The following REV1 variants were observed in gnomAD, a reference collection of about 807,000 sequenced individuals.
The protein encoded by REV1 is REV1 DNA directed polymerase, also known as translesion synthesis protein REV1.
In REV1, 42 loss-of-function variants were observed where a neutral mutation model predicts 137.4. The ratio of observed to expected loss-of-function variants is 0.31; its 90% CI spans 0.24 to 0.40. REV1 has a LOEUF of 0.40. Ranked by LOEUF, REV1 falls within the 10% of genes least tolerant of loss-of-function variation. REV1 has a pLI of 1.00. For synonymous variants in REV1, 524 were observed against 519.2 expected (o/e 1.01, Z -0.12); for missense variants, 1,282 against 1,490.1 (o/e 0.86, Z 2.30).
intron 9 of REV1, among the ~76,000 whole-genome samples, chr2:99,428,991 C>G (rs1043180308): frequency 1.6e-5 from 1 of 63,830 alleles, no homozygotes; most frequent in African/African-American, 6.0e-5. Context: ...GACTCCGTCT[C>G]AAAAAAAAAA....
At chr2:99,462,471 T>C in intron 3 of REV1, 25 bp downstream of exon 3, 7 of 1,582,158 alleles carry the variant, frequency 4.4e-6, no homozygotes, top group Non-Finnish European at 6.0e-6. Context: ...CATGCCAAAA[T>C]AGGGTTAAGT....
At position 99,418,854 on chromosome 2, in the gene REV1, C is replaced by G; in HGVS notation, c.1925G>C (p.Arg642Thr). 2 of 1,612,912 alleles carry G rather than the reference C, an allele frequency of 1.2e-6. No homozygotes were observed. The highest frequency in any genetic ancestry group is 3.3e-4 in the Middle Eastern group (2 of 6,056). ...LKPEEVDDFI[R>T]GQLVTNLPGV... is the part of the protein sequence containing the mutation. ...TGGTAGATTGGTCACTAGCTGGCCT[C>G]TGATAAAATCATCTACTTCTTCTGG... Residue 642 changes from arginine to threonine, a missense_variant, in exon 12 of 23, where the codon AGA becomes ACA. This residue lies in a region of REV1 where 372 missense variants were observed against 482.3 expected (regional missense o/e 0.77). Transcript: ENST00000258428.
rs1246052508 is a variant in REV1, at chr2:99,489,966, A to G, written c.-160T>C. Reference sequence around the variant, plus strand: ...CCACCGCTGAGCAGCGCCGCGGTCCACGCTCCCCCACGCTCGCGGCAACCA... The same window carrying G: ...CCACCGCTGAGCAGCGCCGCGGTCCGCGCTCCCCCACGCTCGCGGCAACCA... On this transcript the variant is annotated 5_prime_UTR_variant, in exon 1 of 23. Transcript: ENST00000258428. 1.3e-5 allele frequency: 2 copies of G among 149,082 alleles called. No homozygotes were observed. The highest frequency in any genetic ancestry group is 2.5e-5 in the African/African-American group (1 of 40,752). The allele number at this position is 149,082 out of a possible 1,614,324, so 9.2% of individuals were successfully genotyped here.
intron 5 of REV1, 124 bp from the exon 6 acceptor site, chr2:99,439,434 T>A: frequency 5.1e-6 from 3 of 589,448 alleles, no homozygotes; most frequent in Non-Finnish European, 8.6e-6. Flanking sequence ...CAGAAAATTC[T>A]TATATTGAAT....
intron 5 of REV1, 41 bp downstream of exon 5, chr2:99,442,276 A>AAAC: frequency 6.7e-7 from 1 of 1,483,004 alleles, no homozygotes; most frequent in Non-Finnish European, 9.1e-7. Context: ...AAAAAAAAAA[A>AAAC]CCAACCAGCT....
chr2:99,478,941 T>C (rs556082616), intron 1 of REV1, among the ~76,000 whole-genome samples: 3 of 152,310 alleles, frequency 2.0e-5, no homozygotes, highest in East Asian at 1.9e-4. Context: ...AGAAAGGTTA[T>C]ATACAGTAGA....
In REV1 at chr2:99,452,918, G is replaced by A. The variant is rs138310823; in HGVS notation, c.182-3414C>T. ...CAAATCCTGGCTCCATCATTTGCTA[G>A]TTACTTGGATTTCAGGCAAGTTATT... On this transcript the variant is annotated intron_variant, in intron 3 of 22. Coordinates refer to ENST00000258428, the MANE Select transcript of REV1 (RefSeq NM_016316.4). Among the ~76,000 whole-genome samples, 496 of 152,360 alleles carry A rather than the reference G, an allele frequency of 3.3e-3. 7 individuals are homozygous for A. The highest frequency in any genetic ancestry group is 1.1e-3 in the Non-Finnish European group (74 of 68,038).
intron 9 of REV1, chr2:99,424,851 G>A (rs1200766260): frequency 7.7e-7 from 1 of 1,304,118 alleles, no homozygotes. Context: ...ATTGTACATG[G>A]TAGGACATCA....
chr2:99,407,508 C>A (rs186099426), intron 15 of REV1, among the ~76,000 whole-genome samples: 1 of 151,478 alleles, frequency 6.6e-6, no homozygotes, highest in Non-Finnish European at 1.5e-5. Context: ...GCCGATACAA[C>A]GCCATTGCAC....
chr2:99,415,532 T>C (rs1048346397), intron 12 of REV1, among the ~76,000 whole-genome samples: 5 of 152,260 alleles, frequency 3.3e-5, no homozygotes, highest in African/African-American at 1.2e-4. Context: ...TCAACTGAAC[T>C]TTCTGCAGTG....
intron 3 of REV1, among the ~76,000 whole-genome samples, chr2:99,454,122 G>A (rs1289950080): frequency 6.6e-6 from 1 of 151,532 alleles, no homozygotes; most frequent in Non-Finnish European, 1.5e-5. Flanking sequence ...CAACCTCCTG[G>A]TTCATGCTTG....
At chr2:99,417,703 C>T (rs907958008) in intron 12 of REV1, among the ~76,000 whole-genome samples, 3 of 152,182 alleles carry the variant, frequency 2.0e-5, no homozygotes, top group Admixed American at 1.3e-4. Flanking sequence ...CAACGCATTT[C>T]TGTTGTTTAT....
At chr2:99,474,471 C>T (rs879681962) in intron 1 of REV1, among the ~76,000 whole-genome samples, 1 of 152,146 alleles carries the variant, frequency 6.6e-6, no homozygotes. Context: ...TAACCTAACA[C>T]AATTCAACAA....
At chr2:99,439,497 T>C (rs1681201497) in intron 5 of REV1, among the ~76,000 whole-genome samples, 187 bp from the exon 6 acceptor site, 3 of 152,072 alleles carry the variant, frequency 2.0e-5, no homozygotes. Context: ...CTTTATATTC[T>C]GATTTGACAA....
chr2:99,450,982 TAAGGTTAAGTTA>T (rs1279052617), intron 3 of REV1, among the ~76,000 whole-genome samples: 1 of 152,206 alleles, frequency 6.6e-6, no homozygotes, highest in Non-Finnish European at 1.5e-5. Context: ...TTTTCAGGGT[TAAGGTTAAGTTA>T]AAAACTGAAC....
At chr2:99,477,483 G>A (rs1007601949) in intron 1 of REV1, among the ~76,000 whole-genome samples, 2 of 152,080 alleles carry the variant, frequency 1.3e-5, no homozygotes, top group Admixed American at 6.5e-5. Flanking sequence ...ACTATTACAG[G>A]AGAAAGAAAA....
At chr2:99,427,349 CCTATT>C in intron 9 of REV1, among the ~76,000 whole-genome samples, 1 of 152,158 alleles carries the variant, frequency 6.6e-6, no homozygotes, top group Non-Finnish European at 1.5e-5. Context: ...TGTATCGTTA[CCTATT>C]CATGTACAAT....
chr2:99,470,375 G>A (rs1685280939), intron 1 of REV1, among the ~76,000 whole-genome samples: 1 of 152,094 alleles, frequency 6.6e-6, no homozygotes, highest in Admixed American at 6.5e-5. Flanking sequence ...AAAAAGCAAA[G>A]TAGAGGTTCC....
intron 3 of REV1, among the ~76,000 whole-genome samples, chr2:99,449,802 T>C (rs927546471): frequency 2.0e-5 from 3 of 152,262 alleles, no homozygotes; most frequent in Admixed American, 2.0e-4. Context: ...AGTACAAATA[T>C]TTTTACATTT....
Sources: gnomAD v4.1 joint callset for allele counts (sites outside exome capture counted in the v4.1 genomes callset) on GRCh38, gnomAD v4.1.1 for gene constraint, gnomAD v4.1.1 regional missense constraint, MANE v1.5 for transcripts, NCBI Gene and HGNC (gene_info 2026-07-23, HGNC 2026-07-21) for gene names.